SACS: variants seen among roughly 807,000 people sequenced by gnomAD.
SACS encodes sacsin molecular chaperone, also known as sacsin.
Under a neutral mutation model 348.0 loss-of-function variants are expected in SACS, and 197 were observed. That is an observed-to-expected ratio of 0.57 (90% confidence interval 0.50 to 0.64). SACS has a LOEUF of 0.64. SACS is among the 30% of genes least tolerant of loss of function. The pLI is 0.00. For missense variants in SACS, 4,999 were observed against 5,360.8 expected, an observed-to-expected ratio of 0.93 and a Z score of 2.11; for synonymous variants, 1,985 against 1,910.6, an observed-to-expected ratio of 1.04 and a Z score of -1.02.
intron 1 of SACS, among the ~76,000 whole-genome samples, chr13:23,413,943 TGTTTAAAATTAAAA>T (rs1873601680): frequency 2.6e-5 from 4 of 152,204 alleles, no homozygotes; most frequent in Admixed American, 2.0e-4. Context: ...CAGTTTGAAA[TGTTTAAAATTAAAA>T]GAGGTCATGT....
chr13:23,343,350 A>C (rs1869392606), intron 9 of SACS, among the ~76,000 whole-genome samples: 1 of 152,208 alleles, frequency 6.6e-6, no homozygotes, highest in African/African-American at 2.4e-5. Context: ...TTGTATAGAC[A>C]CTAACATTCA....
intron 3 of SACS, chr13:23,373,949 C>A: frequency 6.6e-6 from 1 of 152,622 alleles, no homozygotes; most frequent in South Asian, 2.0e-4. Context: ...GCTAGGGGTT[C>A]ATCCACAGGC....
chr13:23,333,104 A>G lies in SACS; in HGVS notation c.10772T>C (p.Leu3591Pro), dbSNP rs1290474257. Residue 3591 changes from leucine to proline, a missense_variant, in exon 10 of 10, where the codon CTA (leucine) becomes CCA (proline). Physicochemically the swap from Leu to Pro is moderately conservative, Grantham distance 98 (BLOSUM62 -3). This residue lies in a region of SACS where 831 missense variants were observed against 941.8 expected (regional missense o/e 0.88). Transcript: ENST00000382292. ...CTGCTGCTGAGAAAGTATGTATTTT[A>G]GTCCAATATTTCTTAAGAATTCCAC... is the stretch of plus-strand genomic sequence containing the variant. ...SWVEFLRNIG[L>P]KYILSQQQLL... is the part of the protein sequence containing the mutation. 1 of 1,613,652 alleles carries G rather than the reference A, an allele frequency of 6.2e-7. No individual in the cohort carries two copies. The highest frequency in any genetic ancestry group is 8.5e-7 in the Non-Finnish European group (1 of 1,179,776).
At chr13:23,387,147 G>A (rs1285096033) in intron 2 of SACS, among the ~76,000 whole-genome samples, 1 of 152,022 alleles carries the variant, frequency 6.6e-6, no homozygotes, top group Non-Finnish European at 1.5e-5. Context: ...CAGGACTGCT[G>A]CAAACCTTCG....
In SACS at chr13:23,358,482, C is replaced by G; in HGVS notation, c.458-1G>C. 6.2e-7 allele frequency: 1 copy of G among 1,613,988 alleles called. No individual in the cohort carries two copies. The highest frequency in any genetic ancestry group is 8.5e-7 in the Non-Finnish European group (1 of 1,180,018). On this transcript the variant is annotated splice_acceptor_variant, in intron 6 of 9. Transcript: ENST00000382292. LOFTEE classifies it high-confidence loss of function. ...TTGTTGTACACATAGAGAGCTGGCC[C>G]TAGGTGTGAAAATGCGCAGGCAGGA...
chr13:23,371,169 A>G lies in SACS; in HGVS notation c.172-4T>C. The G allele has an allele frequency of 1.3e-6, 2 of 1,582,022 alleles. No individual in the cohort carries two copies. The highest frequency in any genetic ancestry group is 3.4e-4 in the Middle Eastern group (2 of 5,958). On this transcript the variant is annotated splice_polypyrimidine_tract_variant and splice_region_variant and intron_variant, in intron 3 of 9. Coordinates refer to ENST00000382292, the MANE Select transcript of SACS (RefSeq NM_014363.6). ...CAATCTTGATCCAGTCAGATAACTG[A>G]AAAAAAGCAAAAGAAAATGTATGAA... is the stretch of plus-strand genomic sequence containing the variant.
In SACS at chr13:23,332,894, G is replaced by A. The variant is rs36061856; in HGVS notation, c.10982C>T (p.Ala3661Val). Residue 3661 changes from alanine to valine, a missense_variant, in exon 10 of 10, where the codon GCG becomes GTG. Around this residue, in one of 6 missense-constraint regions of SACS, gnomAD observed 831 missense variants for 941.8 expected, o/e 0.88. Coordinates refer to ENST00000382292, the MANE Select transcript of SACS (RefSeq NM_014363.6). ...TTGAGGATGAAATCTAATGAATTCCGCGGGGGCCCGCTCAGGACATAAGAA... is the reference window on the plus strand; with the variant it reads ...TTGAGGATGAAATCTAATGAATTCCACGGGGGCCCGCTCAGGACATAAGAA... ...IPFLCPERAP[A>V]EFIRFHPQYQ... 7.8e-4 allele frequency: 1,254 copies of A among 1,613,856 alleles called. 2 individuals are homozygous for A. The highest frequency in any genetic ancestry group is 4.2e-3 in the African/African-American group (317 of 75,044).
chr13:23,335,619 C>A lies in SACS; in HGVS notation c.8257G>T (p.Asp2753Tyr). The change falls in exon 10 of 10, where the codon GAT becomes TAT. Residue 2753 changes from aspartate (D) to tyrosine (Y), a missense_variant. By Grantham distance (160) the Asp-to-Tyr change is radical (BLOSUM62 -3). Coordinates refer to ENST00000382292, the MANE Select transcript of SACS (RefSeq NM_014363.6). The surrounding 1 kb of genome is among the most constrained non-coding windows in gnomAD (Gnocchi z 4.7). Reference protein sequence around the residue: ...HMEKISICEIDKSTGALNVLY... With the variant: ...HMEKISICEIYKSTGALNVLY... Reference sequence around the variant, plus strand: ...ACATTTAGAGCTCCAGTACTCTTATCTATTTCACAAATAGAAATTTTTTCC... The same window carrying A: ...ACATTTAGAGCTCCAGTACTCTTATATATTTCACAAATAGAAATTTTTTCC... 6.2e-7 allele frequency: 1 copy of A among 1,613,880 alleles called. No homozygotes were observed. Among genetic ancestry groups the A allele is most frequent in the Non-Finnish European group, 8.5e-7 (1 of 1,179,888 alleles).
In SACS at chr13:23,333,572, CT is replaced by C; in HGVS notation, c.10303del (p.Ser3435ValfsTer25). On this transcript the variant is annotated frameshift_variant, in exon 10 of 10. Coordinates refer to ENST00000382292, the MANE Select transcript of SACS (RefSeq NM_014363.6). LOFTEE classifies it high-confidence loss of function. Reference protein sequence around the residue: ...KFGTCYVLTKSIPSAEVEKWT... With the variant: ...KFGTCYVLTKXIPSAEVEKWT... ...TTTCTCCACTTCAGCTGAAGGGATA[CT>C]TTTTGTAAGTACGTAGCATGTTCCA... is the stretch of plus-strand genomic sequence containing the variant. 1 of 1,613,600 alleles carries C rather than the reference CT, an allele frequency of 6.2e-7. No homozygotes were observed. The highest frequency in any genetic ancestry group is 8.5e-7 in the Non-Finnish European group (1 of 1,179,674).
At chr13:23,364,195 C>T (rs1365537325) in intron 6 of SACS, among the ~76,000 whole-genome samples, 1 of 152,196 alleles carries the variant, frequency 6.6e-6, no homozygotes, top group Non-Finnish European at 1.5e-5. Context: ...CCTCCTAAAT[C>T]ATAAAACATC....
intron 2 of SACS, among the ~76,000 whole-genome samples, chr13:23,394,571 G>A (rs1245811820): frequency 6.6e-6 from 1 of 152,074 alleles, no homozygotes; most frequent in African/African-American, 2.4e-5. Flanking sequence ...TTCATCATTA[G>A]GGCTGGGCGC....
intron 9 of SACS, among the ~76,000 whole-genome samples, chr13:23,341,990 T>C (rs1296765715): frequency 2.6e-5 from 4 of 152,010 alleles, no homozygotes; most frequent in Non-Finnish European, 5.9e-5. Flanking sequence ...GGTTTCACCA[T>C]GTTAGCCAGG....
Position 23,353,799 on chromosome 13 carries a change from G to A in SACS, c.2171C>T (p.Ala724Val). Reference protein sequence around the residue: ...KPHLVAALKEAAQTRGRPCTQ... With the variant: ...KPHLVAALKEVAQTRGRPCTQ... ...AACTATAATACCTCGGGTTTGGGCAGCTTCCTTTAAAGCAGCCACAAGGTG... is the reference window on the plus strand; with the variant it reads ...AACTATAATACCTCGGGTTTGGGCAACTTCCTTTAAAGCAGCCACAAGGTG... Residue 724 changes from alanine to valine, a missense_variant, in exon 9 of 10, where the codon GCT becomes GTT. Ala to Val is a moderately conservative substitution (Grantham distance 64, BLOSUM62 0). Coordinates refer to ENST00000382292, the MANE Select transcript of SACS (RefSeq NM_014363.6). 1.3e-6 allele frequency: 2 copies of A among 1,599,918 alleles called. No homozygotes were observed. The highest frequency in any genetic ancestry group is 1.7e-6 in the Non-Finnish European group (2 of 1,167,580).
chr13:23,383,098 T>C (rs1251094775), intron 2 of SACS, among the ~76,000 whole-genome samples: 1 of 152,138 alleles, frequency 6.6e-6, no homozygotes, highest in African/African-American at 2.4e-5. Flanking sequence ...ACTTTTTCAG[T>C]TTTCTGAATA....
intron 2 of SACS, among the ~76,000 whole-genome samples, chr13:23,382,956 ATTT>A (rs67400239): frequency 1.9e-4 from 18 of 93,426 alleles, no homozygotes; most frequent in African/African-American, 4.1e-4. Flanking sequence ...TGCCCAGCTA[ATTT>A]TTTTTTTTTT....
rs1020930335 is a variant in SACS, at chr13:23,355,169, C to T, written c.1443G>A (p.Glu481=). 7 of 1,614,170 alleles carry T rather than the reference C, an allele frequency of 4.3e-6. No individual in the cohort carries two copies. The highest frequency in any genetic ancestry group is 5.9e-6 in the Non-Finnish European group (7 of 1,180,032). The change falls in exon 8 of 10, where the codon GAG becomes GAA. Residue 481 remains glutamate, a synonymous_variant. Coordinates refer to ENST00000382292, the MANE Select transcript of SACS (RefSeq NM_014363.6). ...TDNRRSIKWR[E]LDQWRDPAAL... is the part of the protein sequence containing the mutation. ...CTGCCGGGTCTCTCCACTGGTCCAG[C>T]TCTCTCCATTTTATGCTCCTGCGGT...
At chr13:23,374,313 C>G (rs1275356767) in intron 3 of SACS, among the ~76,000 whole-genome samples, 1 of 152,166 alleles carries the variant, frequency 6.6e-6, no homozygotes, top group Non-Finnish European at 1.5e-5. Flanking sequence ...ATCACAGATA[C>G]CAACTACTTC....
At chr13:23,390,626 C>T (rs1872496210) in intron 2 of SACS, among the ~76,000 whole-genome samples, 1 of 152,208 alleles carries the variant, frequency 6.6e-6, no homozygotes, top group African/African-American at 2.4e-5. Flanking sequence ...CATACCACCA[C>T]ACTCCAGCCT....
rs753277514 is a variant in SACS, at chr13:23,330,592, G to A, written c.13284C>T (p.Tyr4428=). 1.7e-5 allele frequency: 27 copies of A among 1,613,870 alleles called. No homozygotes were observed. The South Asian group carries it at 2.5e-4, about 15-fold the overall frequency. ...TGGGAGGAACAAAGAACCTTTGAGA[G>A]TAAGTCTGTCCGGCTGAAGGGGGGC... The part of the protein sequence containing the change: ...EKCPPSAGQT[Y]SQRFFVPPTF... Residue 4428 remains tyrosine (Y), a synonymous_variant, in exon 10 of 10, where the codon TAC becomes TAT. Transcript: ENST00000382292.
Sources: gnomAD v4.1 joint callset for allele counts (sites outside exome capture counted in the v4.1 genomes callset) on GRCh38, gnomAD v4.1.1 for gene constraint, gnomAD v4.1.1 regional missense constraint, Gnocchi (gnomAD v3.1) non-coding constraint, MANE v1.5 for transcripts, NCBI Gene and HGNC (gene_info 2026-07-23, HGNC 2026-07-21) for gene names.